DIS3L2: variants seen among roughly 807,000 people sequenced by gnomAD.
The protein encoded by DIS3L2 is DIS3 like 3'-5' exoribonuclease 2.
DIS3L2 carries 34 observed loss-of-function variants against 97.5 expected under a neutral mutation model. The observed-to-expected ratio is 0.35, with a 90% CI of 0.27 to 0.46. DIS3L2 has a LOEUF of 0.46. Ranked by LOEUF, DIS3L2 falls within the 20% of genes least tolerant of loss-of-function variation. The pLI is 1.00. For synonymous variants in DIS3L2, 435 were observed against 445.2 expected (o/e 0.98, Z 0.29); for missense variants, 1,038 against 1,146.0 (o/e 0.91, Z 1.36).
chr2:232,246,837 A>T (rs1490265005), intron 11 of DIS3L2, among the ~76,000 whole-genome samples: 1 of 7,208 alleles, frequency 1.4e-4, no homozygotes, highest in Non-Finnish European at 2.3e-4. Context: ...TTTATTTCAT[A>T]TTTAAATGTG....
intron 6 of DIS3L2, among the ~76,000 whole-genome samples, chr2:232,105,305 A>G (rs1335242177): frequency 6.6e-6 from 1 of 152,182 alleles, no homozygotes; most frequent in Non-Finnish European, 1.5e-5. Context: ...TTCTGTGTTT[A>G]GCTTTATGAG....
At chr2:231,991,229 G>A (rs1017915405) in intron 1 of DIS3L2, among the ~76,000 whole-genome samples, 1 of 152,066 alleles carries the variant, frequency 6.6e-6, no homozygotes, top group Non-Finnish European at 1.5e-5. Flanking sequence ...ATTCCGTAAT[G>A]TGGGAAATGT....
At chr2:232,138,699 G>T (rs1481667955) in intron 8 of DIS3L2, among the ~76,000 whole-genome samples, 1 of 152,088 alleles carries the variant, frequency 6.6e-6, no homozygotes, top group Non-Finnish European at 1.5e-5. Context: ...TCTTTGCCAG[G>T]CTTTGACCAG....
chr2:232,335,753 G>A lies in DIS3L2; in HGVS notation c.2395-20G>A, dbSNP rs1695922684. 2 of 1,549,692 alleles carry A rather than the reference G, an allele frequency of 1.3e-6. No individual in the cohort carries two copies. The highest frequency in any genetic ancestry group is 3.9e-5 in the Admixed American group (2 of 50,990). ...GCAGCATCCAGAGCTGAGGCCTGAG[G>A]CTTGGTGTTTGCACTCCAGGCACTG... On this transcript the variant is annotated intron_variant, in intron 19 of 20. Coordinates refer to ENST00000325385, the MANE Select transcript of DIS3L2 (RefSeq NM_152383.5).
At chr2:232,260,297 A>G (rs1470512927) in intron 12 of DIS3L2, 1 of 152,286 alleles carries the variant, frequency 6.6e-6, no homozygotes, top group Non-Finnish European at 1.5e-5. Context: ...TGAAGAGGTC[A>G]TGGCCCTGTC....
intron 13 of DIS3L2, among the ~76,000 whole-genome samples, chr2:232,282,338 C>G (rs1243572540): frequency 6.6e-6 from 1 of 152,088 alleles, no homozygotes; most frequent in African/African-American, 2.4e-5. Flanking sequence ...GAGTGCCCCC[C>G]ATCCCACCCC....
At chr2:232,191,317 A>G (rs573777805) in intron 9 of DIS3L2, among the ~76,000 whole-genome samples, 1 of 152,300 alleles carries the variant, frequency 6.6e-6, no homozygotes, top group African/African-American at 2.4e-5. Context: ...CACATTTTCA[A>G]CAATGGGAAA....
At chr2:232,288,700 T>G (rs1415241440) in intron 13 of DIS3L2, among the ~76,000 whole-genome samples, 1 of 152,238 alleles carries the variant, frequency 6.6e-6, no homozygotes, top group African/African-American at 2.4e-5. Context: ...GCTCTGAGTA[T>G]TGTATGGGAA....
At chr2:232,282,777 C>T (rs1180612468) in intron 13 of DIS3L2, among the ~76,000 whole-genome samples, 1 of 152,208 alleles carries the variant, frequency 6.6e-6, no homozygotes, top group African/African-American at 2.4e-5. Flanking sequence ...ACAAACCCGG[C>T]TGTTCTGGAG....
chr2:232,052,233 A>C (rs2106265388), intron 5 of DIS3L2, among the ~76,000 whole-genome samples: 1 of 152,264 alleles, frequency 6.6e-6, no homozygotes, highest in Non-Finnish European at 1.5e-5. Context: ...CGTGTTGGTC[A>C]GGCTGGTCTC....
At chr2:232,329,786 C>CCCGGGGGA in intron 14 of DIS3L2, 27 bp from the exon 15 acceptor site, 1 of 430,236 alleles carries the variant, frequency 2.3e-6, no homozygotes. Context: ...CCCCAGCGGT[C>CCCGGGGGA]CCTCCCATCC....
At chr2:232,299,205 C>T (rs2106320344) in intron 13 of DIS3L2, among the ~76,000 whole-genome samples, 1 of 152,342 alleles carries the variant, frequency 6.6e-6, no homozygotes, top group East Asian at 1.9e-4. Flanking sequence ...CTCACTCTAT[C>T]CCAGCCCCCC....
downstream of DIS3L2, chr2:232,337,329 C>T (rs1695993024): frequency 3.0e-6 from 1 of 338,584 alleles, no homozygotes; most frequent in Non-Finnish European, 4.2e-6. Context: ...GATACCCCCT[C>T]CCCTCAGTTC....
chr2:232,222,182 A>G (rs1245361546), intron 10 of DIS3L2, among the ~76,000 whole-genome samples: 1 of 152,118 alleles, frequency 6.6e-6, no homozygotes, highest in African/African-American at 2.4e-5. Context: ...ACCTCAGGTT[A>G]TCCACCCACC....
At chr2:231,988,931 T>G (rs1693498615) in intron 1 of DIS3L2, among the ~76,000 whole-genome samples, 1 of 152,230 alleles carries the variant, frequency 6.6e-6, no homozygotes, top group African/African-American at 2.4e-5. Context: ...CTTTCAATTC[T>G]TGTATGTTTT....
chr2:232,173,230 T>C (rs1297792758), intron 9 of DIS3L2, among the ~76,000 whole-genome samples: 1 of 152,116 alleles, frequency 6.6e-6, no homozygotes, highest in Admixed American at 6.6e-5. Flanking sequence ...GAGTTAGACA[T>C]ATGTTTTCTT....
At chr2:232,036,665 C>T (rs1010323380) in intron 5 of DIS3L2, among the ~76,000 whole-genome samples, 17 of 152,078 alleles carry the variant, frequency 1.1e-4, no homozygotes, top group African/African-American at 4.1e-4. Flanking sequence ...ATTTATTTAC[C>T]CTTGGTCTTT....
intron 9 of DIS3L2, among the ~76,000 whole-genome samples, chr2:232,166,586 C>T (rs955276560): frequency 2.6e-5 from 4 of 151,110 alleles, no homozygotes; most frequent in South Asian, 2.1e-4. Flanking sequence ...CATAGTAGTA[C>T]GCGCCTGTAG....
chr2:232,305,803 A>T (rs1241764906), intron 14 of DIS3L2, among the ~76,000 whole-genome samples: 1 of 152,112 alleles, frequency 6.6e-6, no homozygotes. Flanking sequence ...AAAAATACAC[A>T]AATTAGTTGG....
Sources: gnomAD v4.1 joint callset for allele counts (sites outside exome capture counted in the v4.1 genomes callset) on GRCh38, gnomAD v4.1.1 for gene constraint, MANE v1.5 for transcripts, NCBI Gene and HGNC (gene_info 2026-07-23, HGNC 2026-07-21) for gene names.